MAP4: variants seen among roughly 807,000 people sequenced by gnomAD.
The protein encoded by MAP4 is microtubule-associated protein 4.
MAP4 carries 76 observed loss-of-function variants against 170.2 expected under a neutral mutation model. That is an observed-to-expected ratio of 0.45 (90% CI 0.37 to 0.54). The LOEUF is 0.54. Among genes scored for constraint, MAP4 ranks in the 20% least tolerant of loss-of-function variants. The pLI is 0.00. For synonymous variants in MAP4, 909 were observed against 994.5 expected (o/e 0.91, Z 1.62); for missense variants, 2,506 against 2,748.0 (o/e 0.91, Z 1.97).
At chr3:48,076,655 G>C (rs2100144083) in intron 1 of MAP4, among the ~76,000 whole-genome samples, 1 of 151,924 alleles carries the variant, frequency 6.6e-6, no homozygotes, top group Admixed American at 6.6e-5. Flanking sequence ...CTCCAGCCTG[G>C]ACAAAAGACA....
rs767408519 is a variant in MAP4 at position 47,916,470 on chromosome 3, G to A, written c.1357C>T (p.Pro453Ser). ...EVALARDMTL[P>S]PETNVILTKD... ...GTCAAGATCACGTTGGTTTCCGGGG[G>A]CAGTGTCATGTCCCTGGCCAGGGCT... The change falls in exon 7 of 21, where the codon CCC becomes TCC. Residue 453 changes from proline to serine, a missense_variant. Physicochemically the swap from Pro to Ser is moderately conservative, Grantham distance 74. This residue lies in a region of MAP4 where 2,008 missense variants were observed against 2,206.0 expected (regional missense o/e 0.91). Transcript: ENST00000683076. 1 of 1,614,196 alleles carries A rather than the reference G, an allele frequency of 6.2e-7. No individual in the cohort carries two copies. The highest frequency in any genetic ancestry group is 1.1e-5 in the South Asian group (1 of 91,080).
At chr3:48,064,326 G>A (rs1456213968) in intron 1 of MAP4, among the ~76,000 whole-genome samples, 4 of 151,898 alleles carry the variant, frequency 2.6e-5, no homozygotes, top group African/African-American at 9.7e-5. Context: ...ATATAAACTG[G>A]CCTATCTTGT....
chr3:47,973,209 TA>T, intron 3 of MAP4: 1 of 981,464 alleles, frequency 1.0e-6, no homozygotes, highest in Non-Finnish European at 1.2e-6. Flanking sequence ...AATGAAATTA[TA>T]AAAACATTAT....
intron 10 of MAP4, chr3:47,892,019 T>C (rs1284226891): frequency 1.3e-6 from 2 of 1,536,212 alleles, no homozygotes; most frequent in Non-Finnish European, 1.7e-6. Context: ...TGACTGGCTC[T>C]TGGTCTCTAG....
rs567550322 is a variant in MAP4, at chr3:48,061,080, C to T, written c.-20+27693G>A. On this transcript the variant is annotated intron_variant, in intron 1 of 18. Coordinates refer to the MAP4 transcript ENST00000360240. ...CAGGATGGTTTCAATCTCCTGACCTCGTAATCCACCCACCTCGGCCTTCCA... is the reference window on the plus strand; with the variant it reads ...CAGGATGGTTTCAATCTCCTGACCTTGTAATCCACCCACCTCGGCCTTCCA... Among the ~76,000 whole-genome samples, 143 of 152,102 alleles carry T rather than the reference C, an allele frequency of 9.4e-4. 1 individual carries two copies. The highest frequency in any genetic ancestry group is 2.7e-3 in the African/African-American group (114 of 41,500).
chr3:48,002,377 T>C (rs2100099675), intron 1 of MAP4, among the ~76,000 whole-genome samples: 1 of 151,650 alleles, frequency 6.6e-6, no homozygotes, highest in Admixed American at 6.6e-5. Flanking sequence ...CTAGGCAACA[T>C]ACTGAGACCC....
chr3:47,961,053 C>G (rs1212098347), intron 3 of MAP4: 2 of 153,796 alleles, frequency 1.3e-5, no homozygotes, highest in African/African-American at 4.8e-5. Flanking sequence ...ATCAATCTCA[C>G]AAATCAGACC....
chr3:47,859,736 C>T (rs1245487681), intron 17 of MAP4, among the ~76,000 whole-genome samples: 1 of 152,234 alleles, frequency 6.6e-6, no homozygotes, highest in Admixed American at 6.5e-5. Flanking sequence ...ACAGCCTCTA[C>T]TTTGTCTCAT....
Position 47,852,960 on chromosome 3 carries a change from G to A in MAP4, c.6887-22C>T, listed in dbSNP as rs745792550. ...CAATCTGCAGTGACATGGGAGGAGG[G>A]AAGGGAGAGGGGAACAGGGGAGACA... On this transcript the variant is annotated intron_variant, in intron 20 of 20. Coordinates refer to ENST00000683076, the MANE Select transcript of MAP4 (RefSeq NM_001385682.1). 1.3e-5 allele frequency: 21 copies of A among 1,613,934 alleles called. No homozygotes were observed. The African/African-American group carries it at 1.9e-4, about 14-fold the overall frequency.
intron 4 of MAP4, among the ~76,000 whole-genome samples, chr3:47,926,516 T>G (rs894297268): frequency 6.6e-6 from 1 of 152,054 alleles, no homozygotes; most frequent in African/African-American, 2.4e-5. Context: ...CTATCTACTC[T>G]ACCTATCTGT....
chr3:47,918,735 A>T lies in MAP4; in HGVS notation c.636T>A (p.Pro212=). ...ATAGTTTACCTGCCGTTGGCTGAGG[A>T]GGTTCTGCAACAGCCTCTGGGGAAA... The part of the protein sequence containing the change: ...SFVSPEAVAE[P]PQPTAVPLEL... Residue 212 remains proline, a synonymous_variant, in exon 6 of 21, where the codon CCT becomes CCA. Transcript: ENST00000683076. 1.2e-6 allele frequency: 2 copies of T among 1,609,694 alleles called. No homozygotes were observed. Among genetic ancestry groups the T allele is most frequent in the Non-Finnish European group, 1.7e-6 (2 of 1,176,186 alleles).
chr3:47,996,461 C>G (rs1289163616), intron 2 of MAP4, among the ~76,000 whole-genome samples: 1 of 152,108 alleles, frequency 6.6e-6, no homozygotes, highest in African/African-American at 2.4e-5. Context: ...GACAAGGACC[C>G]CTCTGAGGCA....
intron 2 of MAP4, among the ~76,000 whole-genome samples, chr3:47,993,085 G>A (rs899875513): frequency 6.6e-6 from 1 of 152,166 alleles, no homozygotes; most frequent in Non-Finnish European, 1.5e-5. Context: ...ATGAAAGAAT[G>A]GTGAAATCAC....
At chr3:47,897,827 A>C (rs553141037) in intron 10 of MAP4, among the ~76,000 whole-genome samples, 1 of 151,706 alleles carries the variant, frequency 6.6e-6, no homozygotes, top group South Asian at 2.1e-4. Flanking sequence ...CTGTAATCCC[A>C]GCTACTCGGG....
In MAP4 at chr3:47,975,268, A is replaced by G. The variant is rs556760680; in HGVS notation, c.292+2597T>C. 73 of 1,450,646 alleles carry G rather than the reference A, an allele frequency of 5.0e-5. No homozygotes were observed. The East Asian group carries it at 1.8e-3, about 35-fold the overall frequency. 89.9% of individuals were successfully genotyped at this position (1,450,646 alleles called of 1,614,324 possible). A position where few individuals can be genotyped will look rare whatever the true frequency, so the allele number is the denominator to read the frequency against. On this transcript the variant is annotated intron_variant, in intron 3 of 20. Coordinates refer to ENST00000683076, the MANE Select transcript of MAP4 (RefSeq NM_001385682.1). ...GGCTCCATCAAACCCTGCAGAGCAC[A>G]AGAGGAAGCAGGTTGTTTGCTCAGG...
intron 1 of MAP4, among the ~76,000 whole-genome samples, chr3:48,068,703 G>T (rs2100139554): frequency 6.6e-6 from 1 of 152,182 alleles, no homozygotes; most frequent in Non-Finnish European, 1.5e-5. Flanking sequence ...AGAATCGCTT[G>T]AACCCAGGAA....
In MAP4 at chr3:47,909,101, T is replaced by A. The variant is rs750741957; in HGVS notation, c.5320A>T (p.Thr1774Ser). ...YMRPTKSRGL[T>S]PLLPKSTIQE... ...ATTGTAGACTTTGGCAAAAGTGGAG[T>A]AAGTCCTCGGGACTTGGTGGGTCTC... Residue 1774 changes from threonine (T) to serine (S), a missense_variant, in exon 9 of 21, where the codon ACT becomes TCT. Transcript: ENST00000683076. The A allele has an allele frequency of 5.0e-6, 8 of 1,614,008 alleles. No individual in the cohort carries two copies. In the South Asian group the frequency reaches 8.8e-5, roughly 18 times the overall value.
At chr3:47,921,168 G>A (rs1352108431) in intron 5 of MAP4, among the ~76,000 whole-genome samples, 2 of 152,250 alleles carry the variant, frequency 1.3e-5, no homozygotes, top group Non-Finnish European at 2.9e-5. Flanking sequence ...GGAGATGACA[G>A]CCCAACTGTG....
intron 4 of MAP4, among the ~76,000 whole-genome samples, chr3:47,925,271 T>C (rs898173107): frequency 6.6e-6 from 1 of 152,212 alleles, no homozygotes; most frequent in African/African-American, 2.4e-5. Flanking sequence ...ATCTTGGCAG[T>C]TGACTACCAC....
Sources: gnomAD v4.1 joint callset for allele counts (sites outside exome capture counted in the v4.1 genomes callset) on GRCh38, gnomAD v4.1.1 for gene constraint, gnomAD v4.1.1 regional missense constraint, MANE v1.5 for transcripts, NCBI Gene and HGNC (gene_info 2026-07-23, HGNC 2026-07-21) for gene names.